The following BTAF1 variants were observed in gnomAD, a reference collection of about 807,000 sequenced individuals.
BTAF1 encodes the protein TATA-binding protein-associated factor 172.
Under a neutral mutation model 227.1 loss-of-function variants are expected in BTAF1, and 38 were observed. The ratio of observed to expected loss-of-function variants is 0.17; its 90% confidence interval spans 0.13 to 0.22. The LOEUF (loss-of-function observed/expected upper bound fraction) is 0.22. Ranked by LOEUF, BTAF1 falls within the 10% of genes least tolerant of loss-of-function variation. The pLI is 1.00. For missense variants in BTAF1, 1,598 were observed against 2,204.0 expected (o/e 0.73, Z 5.51); for synonymous variants, 742 against 751.9 (o/e 0.99, Z 0.21).
intron 14 of BTAF1, 70 bp from the exon 15 acceptor site, chr10:91,980,384 T>C: frequency 1.8e-6 from 2 of 1,135,232 alleles, no homozygotes; most frequent in South Asian, 1.3e-5. Context: ...TTATTTGACA[T>C]ATAATTCTTC....
At chr10:91,942,985 G>C (rs1845113654) in intron 4 of BTAF1, among the ~76,000 whole-genome samples, 1 of 151,960 alleles carries the variant, frequency 6.6e-6, no homozygotes, top group Non-Finnish European at 1.5e-5. Flanking sequence ...GATATTATTG[G>C]GTTTACTCAT....
chr10:91,976,596 G>A (rs534313987), intron 14 of BTAF1, among the ~76,000 whole-genome samples: 6 of 152,254 alleles, frequency 3.9e-5, no homozygotes, highest in Admixed American at 1.3e-4. Context: ...TTGGGTTTTA[G>A]GAGCTCTGTG....
chr10:91,938,725 A>G (rs1844794647), intron 2 of BTAF1, among the ~76,000 whole-genome samples: 2 of 152,288 alleles, frequency 1.3e-5, no homozygotes, highest in South Asian at 4.1e-4. Flanking sequence ...GTACATGCCC[A>G]TAGGCACAGC....
chr10:92,019,975 G>T (rs1266751175), intron 34 of BTAF1, among the ~76,000 whole-genome samples: 2 of 151,016 alleles, frequency 1.3e-5, no homozygotes, highest in Non-Finnish European at 3.0e-5. Flanking sequence ...TCCCACCTGG[G>T]CCTGCCAAAG....
chr10:91,962,277 G>C (rs539402299), intron 11 of BTAF1, among the ~76,000 whole-genome samples: 1 of 150,630 alleles, frequency 6.6e-6, no homozygotes, highest in African/African-American at 2.4e-5. Context: ...CAGGTTTGTA[G>C]CCTAGAAGCA....
At chr10:91,995,464 C>A (rs1564704004) in intron 23 of BTAF1, among the ~76,000 whole-genome samples, 2 of 151,930 alleles carry the variant, frequency 1.3e-5, no homozygotes, top group Admixed American at 6.6e-5. Flanking sequence ...ATCACGAGGT[C>A]AGGAGTTCAA....
chr10:91,928,007 G>A (rs2087618258), intron 1 of BTAF1, among the ~76,000 whole-genome samples: 1 of 140,128 alleles, frequency 7.1e-6, no homozygotes, highest in African/African-American at 2.7e-5. Context: ...TTTGCAGTAA[G>A]GAAAACTTTC....
At chr10:91,982,012 C>A in intron 16 of BTAF1, 71 bp from the exon 17 acceptor site, 1 of 1,480,902 alleles carries the variant, frequency 6.8e-7, no homozygotes, top group Non-Finnish European at 9.0e-7. Context: ...TTAAAAATAT[C>A]ATATTTTTGT....
chr10:91,947,372 GTTT>G (rs550605448), intron 4 of BTAF1, among the ~76,000 whole-genome samples: 1,663 of 151,810 alleles, frequency 0.011, 14 homozygotes, highest in Non-Finnish European at 0.014. Flanking sequence ...TCGATTTTGA[GTTT>G]TTTTTGTATA....
intron 6 of BTAF1, among the ~76,000 whole-genome samples, chr10:91,955,522 A>C (rs968937994): frequency 2.6e-5 from 4 of 152,118 alleles, no homozygotes; most frequent in African/African-American, 9.7e-5. Flanking sequence ...CATGTGAAAT[A>C]TTTTTGGGGT....
At chr10:91,928,737 CT>C (rs1178205764) in intron 1 of BTAF1, among the ~76,000 whole-genome samples, 1 of 148,210 alleles carries the variant, frequency 6.7e-6, no homozygotes, top group Non-Finnish European at 1.5e-5. Context: ...GCACTCCAGC[CT>C]GGGCAACAGA....
intron 13 of BTAF1, among the ~76,000 whole-genome samples, chr10:91,964,704 G>T (rs943742291): frequency 2.0e-5 from 3 of 152,056 alleles, no homozygotes; most frequent in Non-Finnish European, 4.4e-5. Flanking sequence ...CAAAGGCAGA[G>T]ATCAAATGAA....
Position 92,024,949 on chromosome 10 carries a change from G to A in BTAF1, c.5057G>A (p.Arg1686Lys). The change falls in exon 35 of 38, where the codon AGG becomes AAG. Residue 1686 changes from arginine to lysine, a missense_variant. Arg to Lys is a conservative substitution (Grantham distance 26). This residue lies in a region of BTAF1 where 205 missense variants were observed against 244.5 expected (regional missense o/e 0.84). Coordinates refer to ENST00000265990, the MANE Select transcript of BTAF1 (RefSeq NM_003972.3). ...RLDGSIPPGQRHSIVSRFNND... is the reference protein window; with the variant it reads ...RLDGSIPPGQKHSIVSRFNND... ...GATGGCAGCATACCTCCTGGTCAGA[G>A]GCATTCCATTGTTTCCCGGTAAGTG... is the stretch of plus-strand genomic sequence containing the variant. 1 of 1,613,672 alleles carries A rather than the reference G, an allele frequency of 6.2e-7. No homozygotes were observed. The highest frequency in any genetic ancestry group is 8.5e-7 in the Non-Finnish European group (1 of 1,179,888).
chr10:91,987,395 A>G (rs748901946), intron 19 of BTAF1, among the ~76,000 whole-genome samples: 118 of 152,076 alleles, frequency 7.8e-4, no homozygotes, highest in Admixed American at 2.2e-3. Context: ...AAGCAGGAGA[A>G]TGGCGTGAAC....
chr10:91,930,776 A>C (rs1844221873), intron 1 of BTAF1, among the ~76,000 whole-genome samples: 1 of 152,222 alleles, frequency 6.6e-6, no homozygotes, highest in South Asian at 2.1e-4. Context: ...AAAAGTAAAC[A>C]TTCAAATCAT....
At chr10:91,977,423 C>A (rs1847773986) in intron 14 of BTAF1, among the ~76,000 whole-genome samples, 1 of 151,976 alleles carries the variant, frequency 6.6e-6, no homozygotes, top group African/African-American at 2.4e-5. Flanking sequence ...CTTGATAGTT[C>A]ATTTTCTTTT....
At chr10:91,992,819 C>G (rs1393338959) in intron 21 of BTAF1, among the ~76,000 whole-genome samples, 2 of 152,140 alleles carry the variant, frequency 1.3e-5, no homozygotes, top group Non-Finnish European at 2.9e-5. Context: ...TTCAGGCTTT[C>G]CATTATCTCC....
At chr10:91,953,221 T>C (rs931395639) in intron 5 of BTAF1, among the ~76,000 whole-genome samples, 1 of 152,214 alleles carries the variant, frequency 6.6e-6, no homozygotes, top group Admixed American at 6.5e-5. Context: ...GCACAGACTT[T>C]ATAGTGTCTT....
chr10:91,994,681 A>G (rs774192071), intron 23 of BTAF1, 37 bp downstream of exon 23: 198 of 1,522,510 alleles, frequency 1.3e-4, no homozygotes, highest in Non-Finnish European at 1.7e-4. Flanking sequence ...TTCTTCAAAT[A>G]AAACAAGTGG....
Sources: gnomAD v4.1 joint callset for allele counts (sites outside exome capture counted in the v4.1 genomes callset) on GRCh38, gnomAD v4.1.1 for gene constraint, gnomAD v4.1.1 regional missense constraint, MANE v1.5 for transcripts, NCBI Gene and HGNC (gene_info 2026-07-23, HGNC 2026-07-21) for gene names.